PTCH1: variants seen among roughly 807,000 people sequenced by gnomAD.
The protein encoded by PTCH1 is patched 1.
A neutral mutation model predicts 144.6 loss-of-function variants in PTCH1; 14 were observed. That is an observed-to-expected ratio of 0.10 (90% CI 0.06 to 0.15). The LOEUF is 0.15. PTCH1 is among the 10% of genes least tolerant of loss of function. PTCH1 has a pLI of 1.00. For synonymous variants in PTCH1, 833 were observed against 793.6 expected (o/e 1.05, Z -0.83); for missense variants, 1,623 against 1,948.3 (o/e 0.83, Z 3.14).
chr9:95,511,509 G>A (rs28412122), upstream of PTCH1, among the ~76,000 whole-genome samples: 31,642 of 152,152 alleles, frequency 0.21, 3,532 homozygotes, highest in Non-Finnish European at 0.23. Flanking sequence ...TCCGGAGGGG[G>A]ACCTGAGCAC....
intron 15 of PTCH1, among the ~76,000 whole-genome samples, chr9:95,462,958 G>A (rs938105747): frequency 3.3e-5 from 5 of 152,136 alleles, no homozygotes; most frequent in Admixed American, 6.5e-5. Flanking sequence ...GGGTCTGAGC[G>A]CTGGCTGGTG....
rs1841921572 is a variant in PTCH1 at position 95,485,789 on chromosome 9, C to T, written c.480G>A (p.Gln160=). ...EAMFNPQLMI[Q]TPKEEGANVL... is the part of the protein sequence containing the mutation. ...CATTAGCACCTTCTTCTTTAGGGGT[C>T]TGTATCATGAGTTGAGGATTAAACA... Residue 160 remains glutamine, a synonymous_variant, in exon 3 of 24, where the codon CAG becomes CAA. Coordinates refer to ENST00000331920, the MANE Select transcript of PTCH1 (RefSeq NM_000264.5). The T allele has an allele frequency of 1.9e-6, 3 of 1,614,182 alleles. No homozygotes were observed. Among genetic ancestry groups the T allele is most frequent in the Middle Eastern group, 1.6e-4 (1 of 6,062 alleles).
rs537871675 is a variant in PTCH1 at position 95,478,060 on chromosome 9, G to T, written c.1342C>A (p.Leu448Ile). ...SVIRVASGYLLMLAYACLTML... is the reference protein window; with the variant it reads ...SVIRVASGYLIMLAYACLTML... ...AGCATGGCATCGAGCGTTACCATGA[G>T]TAAGTAGCCGCTGGCCACGCGGATG... The change falls in exon 9 of 24, where the codon CTC (leucine) becomes ATC (isoleucine). Residue 448 changes from leucine to isoleucine, a missense_variant. Physicochemically the swap from Leu to Ile is conservative, Grantham distance 5. This residue lies in a region of PTCH1 where 230 missense variants were observed against 271.0 expected (regional missense o/e 0.85). Coordinates refer to ENST00000331920, the MANE Select transcript of PTCH1 (RefSeq NM_000264.5). 24 of 1,614,218 alleles carry T rather than the reference G, an allele frequency of 1.5e-5. No individual in the cohort carries two copies. The African/African-American group carries it at 2.8e-4, about 19-fold the overall frequency.
intron 15 of PTCH1, among the ~76,000 whole-genome samples, chr9:95,463,655 G>C (rs1479639472): frequency 6.6e-6 from 1 of 152,158 alleles, no homozygotes; most frequent in African/African-American, 2.4e-5. Context: ...ATCCTGAAGA[G>C]AGGCTCACAC....
chr9:95,467,517 A>G, intron 14 of PTCH1, 92 bp from the exon 15 acceptor site: 1 of 1,278,280 alleles, frequency 7.8e-7, no homozygotes, highest in Non-Finnish European at 1.1e-6. Flanking sequence ...CCTTGTTTTC[A>G]CCACCACACT....
Position 95,459,590 on chromosome 9 carries a change from C to T in PTCH1, c.2887+10G>A, listed in dbSNP as rs202081420. ...TAAGTTCCCAGACCTCCCGATAAAA[C>T]GCTACTTACTTCTCAGCCTTGTTTC... On this transcript the variant is annotated intron_variant, in intron 17 of 23. Coordinates refer to ENST00000331920, the MANE Select transcript of PTCH1 (RefSeq NM_000264.5). 3.8e-4 allele frequency: 621 copies of T among 1,613,138 alleles called. No homozygotes were observed. The highest frequency in any genetic ancestry group is 4.8e-4 in the Non-Finnish European group (564 of 1,179,968).
At chr9:95,450,080 T>C (rs1346856720) in intron 20 of PTCH1, 140 bp from the exon 21 acceptor site, 1 of 778,186 alleles carries the variant, frequency 1.3e-6, no homozygotes, top group Non-Finnish European at 2.2e-6. Flanking sequence ...CCAACCGCAG[T>C]TCACATTCAA....
intron 5 of PTCH1, among the ~76,000 whole-genome samples, chr9:95,481,675 G>A (rs1398737647): frequency 6.6e-6 from 1 of 152,096 alleles, no homozygotes. Context: ...AAAATCACAC[G>A]TACTCTGCAA....
Position 95,453,609 on chromosome 9 carries a change from C to T in PTCH1, c.3318G>A (p.Thr1106=), listed in dbSNP as rs942699337. 24 of 1,613,710 alleles carry T rather than the reference C, an allele frequency of 1.5e-5. No individual in the cohort carries two copies. The highest frequency in any genetic ancestry group is 4.0e-5 in the African/African-American group (3 of 75,028). The change falls in exon 20 of 24, where the codon ACG becomes ACA. Residue 1106 remains threonine, a synonymous_variant. Coordinates refer to ENST00000331920, the MANE Select transcript of PTCH1 (RefSeq NM_000264.5). ...CCCTGCGGTTCTTGTCGCCGATGGC[C>T]GTCAGAAAGGCCTGTGCAATGAGGA... ...FTVHVALAFL[T]AIGDKNRRAV...
intron 12 of PTCH1, among the ~76,000 whole-genome samples, chr9:95,470,800 C>T (rs568696106): frequency 9.9e-4 from 150 of 152,214 alleles, no homozygotes; most frequent in Non-Finnish European, 1.6e-3. Flanking sequence ...CGAGGCCAGG[C>T]GCGGTGGCTC....
At chr9:95,512,278 T>C (rs1156425232), upstream of PTCH1, among the ~76,000 whole-genome samples, 1 of 152,208 alleles carries the variant, frequency 6.6e-6, no homozygotes, top group African/African-American at 2.4e-5. Flanking sequence ...GGGTTAACTT[T>C]TCAGCATCTC....
At chr9:95,471,168 A>G (rs1162739730) in intron 12 of PTCH1, among the ~76,000 whole-genome samples, 2 of 152,214 alleles carry the variant, frequency 1.3e-5, no homozygotes, top group African/African-American at 4.8e-5. Flanking sequence ...TCAAACTGAT[A>G]AACGTCCTAG....
At position 95,476,649 on chromosome 9, in the gene PTCH1, T is replaced by C. The variant is rs893039361; in HGVS notation, c.1602+110A>G. ...GCAGCCAGTGACACATCATCTGACA[T>C]GGGACTGAAATCTTTACTGGGTCAG... On this transcript the variant is annotated intron_variant, in intron 11 of 23. Coordinates refer to ENST00000331920, the MANE Select transcript of PTCH1 (RefSeq NM_000264.5). This position sits in a 1 kb window ranked among gnomAD's most constrained non-coding sequence, Gnocchi z 4.6. The C allele has an allele frequency of 6.0e-5, 62 of 1,028,782 alleles. No individual in the cohort carries two copies. The highest frequency in any genetic ancestry group is 8.9e-5 in the Non-Finnish European group (60 of 671,334). 63.7% of individuals were successfully genotyped at this position (1,028,782 alleles called of 1,614,324 possible).
intron 1 of PTCH1, among the ~76,000 whole-genome samples, chr9:95,515,815 C>A (rs1406453338): frequency 6.6e-6 from 1 of 152,204 alleles, no homozygotes; most frequent in Admixed American, 6.5e-5. Flanking sequence ...TGGCCCTTTT[C>A]CCGCAGCATG....
chr9:95,467,074 C>T lies in PTCH1; in HGVS notation c.2560+42G>A, dbSNP rs117693231. ...CAAAGGAACCTGTTGAAGCTGAACA[C>T]GCAAAAGACCGAAAGGACGAGAGCC... On this transcript the variant is annotated intron_variant, in intron 15 of 23. Coordinates refer to ENST00000331920, the MANE Select transcript of PTCH1 (RefSeq NM_000264.5). 1,894 of 1,594,468 alleles carry T rather than the reference C, an allele frequency of 1.2e-3. 2 individuals are homozygous for T. Among genetic ancestry groups the T allele is most frequent in the Non-Finnish European group, 1.3e-3 (1,464 of 1,162,654 alleles).
chr9:95,502,875 A>G (rs1843251338), intron 2 of PTCH1, among the ~76,000 whole-genome samples: 1 of 152,254 alleles, frequency 6.6e-6, no homozygotes, highest in African/African-American at 2.4e-5. Flanking sequence ...ATTTGAAGAC[A>G]CAGCCTTTCG....
rs1838918621 is a variant in PTCH1, at chr9:95,456,301, A to T, written c.3281T>A (p.Val1094Glu). The part of the protein sequence containing the change: ...VILIASVGIG[V>E]EFTVHVALAF... The stretch of plus-strand genomic sequence containing the variant: ...CAAAGCAACGTGAACGGTGAACTCC[A>T]CTCCTATGCCAACAGAAGCGATCAG... Residue 1094 changes from valine to glutamate, a missense_variant, in exon 19 of 24, where the codon GTG becomes GAG. By Grantham distance (121) the Val-to-Glu change is moderately radical. This residue lies in a region of PTCH1 where 504 missense variants were observed against 679.3 expected (regional missense o/e 0.74). Coordinates refer to ENST00000331920, the MANE Select transcript of PTCH1 (RefSeq NM_000264.5). The T allele has an allele frequency of 6.2e-7, 1 of 1,613,722 alleles. No homozygotes were observed. The highest frequency in any genetic ancestry group is 1.1e-5 in the South Asian group (1 of 91,086).
intron 22 of PTCH1, 96 bp downstream of exon 22, chr9:95,448,973 T>G (rs1838193351): frequency 2.0e-6 from 3 of 1,534,372 alleles, no homozygotes; most frequent in Non-Finnish European, 2.7e-6. Context: ...TCTGCCTGTG[T>G]GATGTGCTGC....
At chr9:95,503,160 A>G (rs372241575) in intron 2 of PTCH1, 3 of 152,224 alleles carry the variant, frequency 2.0e-5, no homozygotes, top group Non-Finnish European at 2.9e-5. Context: ...TGCCCAGTTC[A>G]TATAAAAATT....
Sources: allele counts gnomAD v4.1 joint callset (sites outside exome capture counted in the v4.1 genomes callset), GRCh38; gene constraint gnomAD v4.1.1; regional missense constraint gnomAD v4.1.1; non-coding constraint Gnocchi (gnomAD v3.1); transcripts MANE v1.5; gene names NCBI Gene and HGNC (gene_info 2026-07-23, HGNC 2026-07-21).